HTR2A: variants seen among roughly 807,000 people sequenced by gnomAD.
HTR2A encodes the protein 5-hydroxytryptamine receptor 2A, also known as 5-HT2 receptor.
Under a neutral mutation model 31.0 loss-of-function variants are expected in HTR2A, and 14 were observed. The observed-to-expected ratio is 0.45, with a 90% CI of 0.30 to 0.71. The LOEUF (loss-of-function observed/expected upper bound fraction) is 0.71. HTR2A is among the 30% of genes least tolerant of loss of function. HTR2A has a pLI of 0.09. For missense variants in HTR2A, 442 were observed against 573.3 expected (o/e 0.77, Z 2.34); for synonymous variants, 209 against 225.2 (o/e 0.93, Z 0.64).
intron 3 of HTR2A, among the ~76,000 whole-genome samples, chr13:46,885,302 G>A (rs1440083651): frequency 2.6e-5 from 4 of 152,114 alleles, no homozygotes; most frequent in African/African-American, 9.7e-5. Flanking sequence ...TGGGTAATAC[G>A]AGGCAGGATG....
At chr13:46,860,315 G>A (rs1302422506) in intron 3 of HTR2A, among the ~76,000 whole-genome samples, 1 of 152,120 alleles carries the variant, frequency 6.6e-6, no homozygotes, top group East Asian at 1.9e-4. Context: ...ATGACATAGA[G>A]TAACATAGGA....
chr13:46,835,024 A>G lies in HTR2A; in HGVS notation c.1229T>C (p.Leu410Ser). 1.9e-6 allele frequency: 3 copies of G among 1,614,134 alleles called. No homozygotes were observed. The highest frequency in any genetic ancestry group is 2.5e-6 in the Non-Finnish European group (3 of 1,179,998). ...GGCCAAAGCCGGTATTGTGTTCACT[A>G]AAATTAACTGCAATGGTTTTTTGTT... ...KENKKPLQLI[L>S]VNTIPALAYK... The change falls in exon 4 of 4, where the codon TTA (leucine) becomes TCA (serine). Residue 410 changes from leucine to serine, a missense_variant. This residue lies in a region of HTR2A where 88 missense variants were observed against 83.1 expected (regional missense o/e 1.06). Coordinates refer to ENST00000542664, the MANE Select transcript of HTR2A (RefSeq NM_000621.5).
At chr13:46,886,595 A>G (rs933372684) in intron 3 of HTR2A, among the ~76,000 whole-genome samples, 4 of 152,202 alleles carry the variant, frequency 2.6e-5, no homozygotes, top group African/African-American at 9.7e-5. Context: ...AAGATAGAGT[A>G]ATATTAGTAC....
At chr13:46,866,053 T>C (rs764592182) in intron 3 of HTR2A, among the ~76,000 whole-genome samples, 1 of 152,238 alleles carries the variant, frequency 6.6e-6, no homozygotes, top group African/African-American at 2.4e-5. Context: ...TTTATCTTGC[T>C]CACATCCTGG....
intron 3 of HTR2A, 94 bp downstream of exon 3, chr13:46,892,296 G>C: frequency 8.7e-7 from 1 of 1,151,168 alleles, no homozygotes; most frequent in African/African-American, 1.5e-5. Context: ...GTAGATTGAG[G>C]ATGTCAGGTT....
At position 46,835,152 on chromosome 13, in the gene HTR2A, C is replaced by T. The variant is rs1245551395; in HGVS notation, c.1101G>A (p.Trp367Ter). 6.2e-7 allele frequency: 1 copy of T among 1,613,924 alleles called. No homozygotes were observed. The highest frequency in any genetic ancestry group is 8.5e-7 in the Non-Finnish European group (1 of 1,179,990). Residue 367 changes from tryptophan to a stop codon, truncating the protein, a stop_gained, in exon 4 of 4, where the codon TGG becomes TGA. Transcript: ENST00000542664. LOFTEE classifies it high-confidence loss of function. The part of the protein sequence containing the change: ...VIGALLNVFV[W>*]IGYLSSAVNP... ...TGACTGCTGAAGAGAGATAACCGAT[C>T]CAAACAAACACATTGAGCAGGGCCC...
intron 3 of HTR2A, among the ~76,000 whole-genome samples, chr13:46,838,801 G>A (rs1950577278): frequency 6.6e-6 from 1 of 152,140 alleles, no homozygotes; most frequent in South Asian, 2.1e-4. Flanking sequence ...AAACTCTTGA[G>A]TGTTCTTTTT....
At chr13:46,883,866 C>T (rs1950985847) in intron 3 of HTR2A, among the ~76,000 whole-genome samples, 1 of 152,176 alleles carries the variant, frequency 6.6e-6, no homozygotes, top group Non-Finnish European at 1.5e-5. Flanking sequence ...ACACAGAAAA[C>T]ACAATGATTT....
intron 3 of HTR2A, among the ~76,000 whole-genome samples, chr13:46,865,700 TAAAATA>T (rs1337132148): frequency 6.6e-6 from 1 of 152,210 alleles, no homozygotes; most frequent in African/African-American, 2.4e-5. Context: ...TTTAAGTTGA[TAAAATA>T]AAAATGAAAT....
At chr13:46,870,171 G>A (rs1593437953) in intron 3 of HTR2A, among the ~76,000 whole-genome samples, 1 of 152,100 alleles carries the variant, frequency 6.6e-6, no homozygotes, top group East Asian at 1.9e-4. Context: ...AGAAATTATT[G>A]GGGTCTAAGT....
rs917987952 is a variant in HTR2A at position 46,895,975 on chromosome 13, C to T, written c.-69G>A. ...CAGGTTATAGTTTCTGCTCACCATT[C>T]ACCTTGATGTACCCACACTCTGTAA... On this transcript the variant is annotated 5_prime_UTR_variant, in exon 2 of 4. Coordinates refer to ENST00000542664, the MANE Select transcript of HTR2A (RefSeq NM_000621.5). The surrounding 1 kb of genome is among the most constrained non-coding windows in gnomAD (Gnocchi z 4.4). The T allele has an allele frequency of 2.6e-6, 4 of 1,532,532 alleles. No homozygotes were observed. The Admixed American group carries it at 5.9e-5, about 23-fold the overall frequency. The allele number at this position is 1,532,532 out of a possible 1,614,324, so 94.9% of individuals were successfully genotyped here.
chr13:46,849,744 C>T (rs73473883), intron 3 of HTR2A, among the ~76,000 whole-genome samples: 1,641 of 152,266 alleles, frequency 0.011, 34 homozygotes, highest in African/African-American at 0.038. Flanking sequence ...CACTCTGTAG[C>T]GGATTTCTCT....
chr13:46,846,174 A>C (rs145387777), intron 3 of HTR2A, among the ~76,000 whole-genome samples: 35 of 152,310 alleles, frequency 2.3e-4, no homozygotes, highest in African/African-American at 7.5e-4. Context: ...CAAGTCATTT[A>C]ATTGGAGTTT....
intron 3 of HTR2A, among the ~76,000 whole-genome samples, chr13:46,852,497 G>A (rs1027102751): frequency 6.6e-6 from 1 of 152,220 alleles, no homozygotes. Context: ...AGTGGCATTC[G>A]CTACAAAAGT....
At chr13:46,851,243 A>G (rs563082072) in intron 3 of HTR2A, among the ~76,000 whole-genome samples, 3 of 152,338 alleles carry the variant, frequency 2.0e-5, no homozygotes, top group Non-Finnish European at 4.4e-5. Context: ...GTACTTTTCT[A>G]GAGAATATGG....
At chr13:46,872,059 T>G (rs982014147) in intron 3 of HTR2A, among the ~76,000 whole-genome samples, 1 of 152,218 alleles carries the variant, frequency 6.6e-6, no homozygotes, top group Non-Finnish European at 1.5e-5. Flanking sequence ...ATGGTGTTCT[T>G]TCAAATATGA....
intron 3 of HTR2A, among the ~76,000 whole-genome samples, chr13:46,868,192 C>G (rs892962411): frequency 6.6e-6 from 1 of 152,202 alleles, no homozygotes. Flanking sequence ...AAGCACATAA[C>G]ATTTAAATAA....
chr13:46,888,589 A>G (rs1251383895), intron 3 of HTR2A, among the ~76,000 whole-genome samples: 1 of 152,226 alleles, frequency 6.6e-6, no homozygotes, highest in Non-Finnish European at 1.5e-5. Context: ...ATGATATTCT[A>G]GAGGAAATTC....
chr13:46,873,721 T>A (rs1291572504), intron 3 of HTR2A, among the ~76,000 whole-genome samples: 1 of 152,166 alleles, frequency 6.6e-6, no homozygotes, highest in Non-Finnish European at 1.5e-5. Context: ...CTTGCGATAG[T>A]TTACTGAGAA....
Sources: allele counts gnomAD v4.1 joint callset (sites outside exome capture counted in the v4.1 genomes callset), GRCh38; gene constraint gnomAD v4.1.1; regional missense constraint gnomAD v4.1.1; non-coding constraint Gnocchi (gnomAD v3.1); transcripts MANE v1.5; gene names NCBI Gene and HGNC (gene_info 2026-07-23, HGNC 2026-07-21).